B4GALT3: variants seen among roughly 807,000 people sequenced by gnomAD.
B4GALT3 encodes the protein beta-1,4-galactosyltransferase 3.
Under a neutral mutation model 40.7 loss-of-function variants are expected in B4GALT3, and 29 were observed. The ratio of observed to expected loss-of-function variants is 0.71; its 90% CI spans 0.53 to 0.97. The LOEUF (loss-of-function observed/expected upper bound fraction) is 0.97. Ranked by LOEUF, B4GALT3 falls within the 50% of genes least tolerant of loss-of-function variation. B4GALT3 has a pLI of 0.00. For synonymous variants in B4GALT3, 182 were observed against 203.9 expected (o/e 0.89, Z 0.92); for missense variants, 390 against 522.3 (o/e 0.75, Z 2.47).
At chr1:161,176,405 CA>C (rs1571534893) in intron 2 of B4GALT3, 28 bp downstream of exon 2, 1 of 412,038 alleles carries the variant, frequency 2.4e-6, no homozygotes, top group East Asian at 4.6e-5. Context: ...CCCCCTCTTC[CA>C]ATTTTAGAAG....
At chr1:161,177,137 C>T in intron 1 of B4GALT3, 1 of 1,456,966 alleles carries the variant, frequency 6.9e-7, no homozygotes, top group Non-Finnish European at 9.2e-7. Context: ...AGAGCAGGGG[C>T]AGAGACAGTC....
At position 161,175,839 on chromosome 1, in the gene B4GALT3, C is replaced by G. The variant is rs1394783814; in HGVS notation, c.222G>C (p.Leu74=). The G allele has an allele frequency of 6.2e-7, 1 of 1,614,060 alleles. No individual in the cohort carries two copies. The highest frequency in any genetic ancestry group is 1.3e-5 in the African/African-American group (1 of 74,910). ...GAGGAGATCGTTCTGGACAGTAGGG[C>G]AGACCTTGAGGAGCTGGAGGACCCC... The part of the protein sequence containing the change: ...APGGPPAPQG[L]PYCPERSPLL... The change falls in exon 3 of 8, where the codon CTG becomes CTC. Residue 74 remains leucine (L), a synonymous_variant. Transcript: ENST00000319769.
chr1:161,176,945 C>T (rs1439474785), intron 1 of B4GALT3: 17 of 1,536,030 alleles, frequency 1.1e-5, no homozygotes, highest in African/African-American at 1.4e-5. Flanking sequence ...TCCTTCTATT[C>T]TTCATGTGCC....
At position 161,171,644 on chromosome 1, in the gene B4GALT3, G is replaced by T; in HGVS notation, c.*172C>A. The T allele has an allele frequency of 1.1e-6, 1 of 876,060 alleles. No homozygotes were observed. The highest frequency in any genetic ancestry group is 1.7e-6 in the Non-Finnish European group (1 of 583,294). The allele number at this position is 876,060 out of a possible 1,614,324, so 54.3% of individuals were successfully genotyped here. A position where few individuals can be genotyped will look rare whatever the true frequency, so the allele number is the denominator to read the frequency against. ...AGACCCTAGAGAGAGGGACCCCTCA[G>T]GTCTACAGGAGCCCAGCTCCAGTCC... On this transcript the variant is annotated 3_prime_UTR_variant, in exon 8 of 8. Coordinates refer to ENST00000319769, the MANE Select transcript of B4GALT3 (RefSeq NM_003779.4).
intron 6 of B4GALT3, 118 bp downstream of exon 6, chr1:161,173,487 G>T: frequency 7.0e-7 from 1 of 1,419,132 alleles, no homozygotes. Flanking sequence ...GAAAGGAATG[G>T]GCTCAGTGCA....
Position 161,174,066 on chromosome 1 carries a change from G to A in B4GALT3, c.490-17C>T. ...ATTTCCAGCCTGGAAGATAATGGAG[G>A]GGAACCAGACTATGTCTGTAGGTGG... On this transcript the variant is annotated splice_polypyrimidine_tract_variant and intron_variant, in intron 4 of 7. Transcript: ENST00000319769. 6.2e-7 allele frequency: 1 copy of A among 1,611,294 alleles called. No individual in the cohort carries two copies. The highest frequency in any genetic ancestry group is 1.7e-5 in the Admixed American group (1 of 59,902).
chr1:161,177,034 T>C (rs1194027404), intron 1 of B4GALT3: 2 of 1,533,996 alleles, frequency 1.3e-6, no homozygotes, highest in African/African-American at 1.4e-5. Flanking sequence ...CGGCGGAGAG[T>C]AGGGTGGGGG....
intron 3 of B4GALT3, 109 bp downstream of exon 3, chr1:161,175,699 C>CT (rs1663241066): frequency 6.7e-7 from 1 of 1,495,828 alleles, no homozygotes; most frequent in South Asian, 1.3e-5. Flanking sequence ...CTCAGCCTAC[C>CT]TATCCTCTTC....
In B4GALT3 at chr1:161,171,702, C is replaced by T. The variant is rs150052876; in HGVS notation, c.*114G>A. 8.5e-5 allele frequency: 122 copies of T among 1,441,812 alleles called. No individual in the cohort carries two copies. The African/African-American group carries it at 1.5e-3, about 17-fold the overall frequency. The allele number at this position is 1,441,812 out of a possible 1,614,324, so 89.3% of individuals were successfully genotyped here. A position where few individuals can be genotyped will look rare whatever the true frequency, so the allele number is the denominator to read the frequency against. On this transcript the variant is annotated 3_prime_UTR_variant, in exon 8 of 8. Coordinates refer to ENST00000319769, the MANE Select transcript of B4GALT3 (RefSeq NM_003779.4). ...AGGGAGAGGCCCCTACCCCCTAGCA[C>T]GGCACCAGAGTTCAGTTCCCTCACA...
In B4GALT3 at chr1:161,177,419, A is replaced by G. The variant is rs1482492935; in HGVS notation, c.-161+4T>C. The G allele has an allele frequency of 9.6e-6, 2 of 209,268 alleles. No homozygotes were observed. The highest frequency in any genetic ancestry group is 1.1e-4 in the Admixed American group (2 of 17,802). The allele number at this position is 209,268 out of a possible 1,614,324, so 13.0% of individuals were successfully genotyped here. ...CCGTGTCGACGCATTCCCAGCGCAC[A>G]TACCTGGTCTTTTGCTGCCTGTCGT... On this transcript the variant is annotated splice_donor_region_variant and intron_variant, in intron 1 of 7. Transcript: ENST00000319769.
intron 1 of B4GALT3, chr1:161,176,873 CAG>C (rs1558059926): frequency 5.2e-6 from 8 of 1,536,010 alleles, no homozygotes; most frequent in South Asian, 2.4e-5. Context: ...GAAGTGGCGA[CAG>C]AGTCATGACA....
rs977576096 is a variant in B4GALT3, at chr1:161,171,622, C to T, written c.*194G>A. 4.3e-6 allele frequency: 3 copies of T among 700,126 alleles called. No individual in the cohort carries two copies. Among genetic ancestry groups the T allele is most frequent in the Non-Finnish European group, 7.0e-6 (3 of 427,552 alleles). The allele number at this position is 700,126 out of a possible 1,614,324, so 43.4% of individuals were successfully genotyped here. A position where few individuals can be genotyped will look rare whatever the true frequency, so the allele number is the denominator to read the frequency against. On this transcript the variant is annotated 3_prime_UTR_variant, in exon 8 of 8. Coordinates refer to ENST00000319769, the MANE Select transcript of B4GALT3 (RefSeq NM_003779.4). ...TCACAGTCATAAGCCCTACAGGAGA[C>T]CCTAGAGAGAGGGACCCCTCAGGTC... is the stretch of plus-strand genomic sequence containing the variant.
At position 161,171,748 on chromosome 1, in the gene B4GALT3, A is replaced by T; in HGVS notation, c.*68T>A. ...TCACATCCCTCTGAGAACAGTGAGG[A>T]GCTGAGGGTGGGGAGAATACAACCC... is the stretch of plus-strand genomic sequence containing the variant. On this transcript the variant is annotated 3_prime_UTR_variant, in exon 8 of 8. Transcript: ENST00000319769. 6.4e-7 allele frequency: 1 copy of T among 1,567,932 alleles called. No homozygotes were observed. The highest frequency in any genetic ancestry group is 8.7e-7 in the Non-Finnish European group (1 of 1,149,730).
intron 2 of B4GALT3, 139 bp downstream of exon 2, chr1:161,176,295 C>T: frequency 1.7e-6 from 1 of 599,040 alleles, no homozygotes; most frequent in South Asian, 2.0e-5. Context: ...CTCTCCTCTA[C>T]CTCCCCCCAA....
chr1:161,176,750 G>A, intron 1 of B4GALT3, 171 bp from the exon 2 acceptor site: 2 of 920,908 alleles, frequency 2.2e-6, no homozygotes, highest in Non-Finnish European at 1.7e-6. Context: ...GGAATGATAA[G>A]TGTCAGGTTC....
rs978681066 is a variant in B4GALT3 at position 161,171,680 on chromosome 1, G to C, written c.*136C>G. The C allele has an allele frequency of 1.6e-6, 2 of 1,270,924 alleles. No individual in the cohort carries two copies. Among genetic ancestry groups the C allele is most frequent in the Non-Finnish European group, 2.2e-6 (2 of 925,306 alleles). The allele number at this position is 1,270,924 out of a possible 1,614,324, so 78.7% of individuals were successfully genotyped here. A position where few individuals can be genotyped will look rare whatever the true frequency, so the allele number is the denominator to read the frequency against. The stretch of plus-strand genomic sequence containing the variant: ...GCCCAGCTCCAGTCCAGCAGTGAGG[G>C]AGAGGCCCCTACCCCCTAGCACGGC... On this transcript the variant is annotated 3_prime_UTR_variant, in exon 8 of 8. Coordinates refer to ENST00000319769, the MANE Select transcript of B4GALT3 (RefSeq NM_003779.4).
Position 161,173,648 on chromosome 1 carries a change from C to T in B4GALT3, c.760G>A (p.Glu254Lys). 1 of 1,614,122 alleles carries T rather than the reference C, an allele frequency of 6.2e-7. No homozygotes were observed. Among genetic ancestry groups the T allele is most frequent in the Non-Finnish European group, 8.5e-7 (1 of 1,180,020 alleles). The change falls in exon 6 of 8, where the codon GAA (glutamate) becomes AAA (lysine). Residue 254 changes from glutamate to lysine, a missense_variant. Around this residue, in one of 3 missense-constraint regions of B4GALT3, gnomAD observed 135 missense variants for 227.8 expected, o/e 0.59. Coordinates refer to ENST00000319769, the MANE Select transcript of B4GALT3 (RefSeq NM_003779.4). ...QYLKMNGFPNEYWGWGGEDDD... is the reference protein window; with the variant it reads ...QYLKMNGFPNKYWGWGGEDDD... ...TCCTCACCACCCCAGCCCCAGTATT[C>T]ATTGGGGAAGCCATTCATCTTCAGG...
chr1:161,176,627 A>G, intron 1 of B4GALT3, 48 bp from the exon 2 acceptor site: 1 of 571,364 alleles, frequency 1.8e-6, no homozygotes, highest in Non-Finnish European at 3.1e-6. Flanking sequence ...ACCGCCAGAG[A>G]TCAGGATCAG....
Position 161,171,740 on chromosome 1 carries a change from C to T in B4GALT3, c.*76G>A. ...CAGTTCCCTCACATCCCTCTGAGAA[C>T]AGTGAGGAGCTGAGGGTGGGGAGAA... On this transcript the variant is annotated 3_prime_UTR_variant, in exon 8 of 8. Coordinates refer to ENST00000319769, the MANE Select transcript of B4GALT3 (RefSeq NM_003779.4). 2 of 1,550,400 alleles carry T rather than the reference C, an allele frequency of 1.3e-6. No individual in the cohort carries two copies. The highest frequency in any genetic ancestry group is 8.8e-7 in the Non-Finnish European group (1 of 1,137,904).
Sources: gnomAD v4.1 joint callset for allele counts on GRCh38, gnomAD v4.1.1 for gene constraint, gnomAD v4.1.1 regional missense constraint, MANE v1.5 for transcripts, NCBI Gene and HGNC (gene_info 2026-07-23, HGNC 2026-07-21) for gene names.